Variants in CEP350 observed in about 807,000 individuals in gnomAD.
CEP350 encodes the protein centrosome-associated protein 350.
CEP350 carries 126 observed loss-of-function variants against 331.8 expected under a neutral mutation model. That is an observed-to-expected ratio of 0.38 (90% CI 0.33 to 0.44). The LOEUF (loss-of-function observed/expected upper bound fraction) is 0.44. Among genes scored for constraint, CEP350 ranks in the 20% least tolerant of loss-of-function variants. CEP350 has a pLI of 1.00. For synonymous variants in CEP350, 1,200 were observed against 1,259.5 expected, an observed-to-expected ratio of 0.95 and a Z score of 1.00; for missense variants, 3,406 against 3,634.6, an observed-to-expected ratio of 0.94 and a Z score of 1.62.
intron 1 of CEP350, among the ~76,000 whole-genome samples, chr1:179,964,987 C>CT (rs1650901023): frequency 1.3e-5 from 2 of 151,846 alleles, no homozygotes; most frequent in South Asian, 4.2e-4. Context: ...TTAAGTTCAA[C>CT]TTTAAGTTGT....
At chr1:179,977,740 T>C (rs1468018863) in intron 1 of CEP350, among the ~76,000 whole-genome samples, 2 of 152,150 alleles carry the variant, frequency 1.3e-5, no homozygotes, top group African/African-American at 4.8e-5. Flanking sequence ...GATTAAAAAA[T>C]CTTTCTTCAG....
chr1:180,058,596 C>A (rs2148993429), intron 25 of CEP350, among the ~76,000 whole-genome samples: 1 of 152,254 alleles, frequency 6.6e-6, no homozygotes, highest in Middle Eastern at 3.4e-3. Context: ...AGTTTGGTTT[C>A]ATCTGTATTT....
Position 180,043,118 on chromosome 1 carries a change from A to G in CEP350, c.4425A>G (p.Ala1475=), listed in dbSNP as rs765025082. 5.0e-6 allele frequency: 8 copies of G among 1,613,762 alleles called. No individual in the cohort carries two copies. The highest frequency in any genetic ancestry group is 1.3e-5 in the African/African-American group (1 of 74,910). The change falls in exon 20 of 38, where the codon GCA becomes GCG. Residue 1475 remains alanine, a synonymous_variant. Transcript: ENST00000367607. ...DAVVASGAPL[A]ILYDHQRQHL... ...TCGTGGCTTCAGGAGCTCCCCTTGC[A>G]ATACTGTATGACCACCAACGGCAGC...
intron 1 of CEP350, 96 bp from the exon 2 acceptor site, chr1:179,986,073 T>C: frequency 1.1e-6 from 1 of 925,780 alleles, no homozygotes; most frequent in Non-Finnish European, 1.7e-6. Flanking sequence ...TCCTAATGGG[T>C]GTGAAGTAGT....
Position 180,019,998 on chromosome 1 carries a change from C to A in CEP350, c.2224C>A (p.Gln742Lys). Residue 742 changes from glutamine (Q) to lysine (K), a missense_variant, in exon 12 of 38, where the codon CAA (glutamine) becomes AAA (lysine). Coordinates refer to ENST00000367607, the MANE Select transcript of CEP350 (RefSeq NM_014810.5). ...GATGCAGCCTGAAAGATTGAGCCCA[C>A]AAGTTCACCATTCTCAACCACAGCC... ...TWMQPERLSP[Q>K]VHHSQPQPFA... 6.2e-7 allele frequency: 1 copy of A among 1,613,186 alleles called. No homozygotes were observed. Among genetic ancestry groups the A allele is most frequent in the African/African-American group, 1.3e-5 (1 of 75,036 alleles).
rs774227294 is a variant in CEP350 at position 180,048,619 on chromosome 1, TAG to T, written c.4711_4712del (p.Ser1571PhefsTer3). ...GAGAAGAAACTTAATGGTGAAAAGATAGAGAGTTCCATTGATGAACAGGTTCA... is the reference window on the plus strand; with the variant it reads ...GAGAAGAAACTTAATGGTGAAAAGATAGAGTTCCATTGATGAACAGGTTCA... On this transcript the variant is annotated frameshift_variant, in exon 22 of 38. Coordinates refer to ENST00000367607, the MANE Select transcript of CEP350 (RefSeq NM_014810.5). LOFTEE classifies it high-confidence loss of function. 1.2e-6 allele frequency: 2 copies of T among 1,610,242 alleles called. No homozygotes were observed. The highest frequency in any genetic ancestry group is 8.5e-7 in the Non-Finnish European group (1 of 1,176,646).
chr1:180,020,547 A>T lies in CEP350; in HGVS notation c.2773A>T (p.Met925Leu), dbSNP rs192049185. Residue 925 changes from methionine (M) to leucine (L), a missense_variant, in exon 12 of 38, where the codon ATG becomes TTG. Coordinates refer to ENST00000367607, the MANE Select transcript of CEP350 (RefSeq NM_014810.5). ...NLSEFKKLPE[M>L]IRPQSAISSF... ...TAGTGAATTTAAAAAGCTTCCTGAG[A>T]TGATAAGACCACAGAGTGCCATATC... The T allele has an allele frequency of 6.3e-5, 101 of 1,613,990 alleles. No homozygotes were observed. The Admixed American group carries it at 1.7e-3, about 27-fold the overall frequency.
At chr1:180,069,803 T>C (rs1172487236) in intron 27 of CEP350, among the ~76,000 whole-genome samples, 1 of 152,186 alleles carries the variant, frequency 6.6e-6, no homozygotes, top group East Asian at 1.9e-4. Context: ...CTATGTTCCA[T>C]TTTTAATTAT....
At chr1:180,033,741 A>G in intron 15 of CEP350, 121 bp from the exon 16 acceptor site, 2 of 990,328 alleles carry the variant, frequency 2.0e-6, no homozygotes, top group South Asian at 3.5e-5. Flanking sequence ...ATAAATGCCT[A>G]AATCACAACT....
chr1:180,059,263 T>C (rs1658053415), intron 25 of CEP350, among the ~76,000 whole-genome samples: 1 of 152,212 alleles, frequency 6.6e-6, no homozygotes, highest in African/African-American at 2.4e-5. Context: ...CAAAACTATT[T>C]TCTTAATGAT....
intron 25 of CEP350, among the ~76,000 whole-genome samples, chr1:180,055,321 G>A (rs867599959): frequency 2.0e-5 from 3 of 152,078 alleles, no homozygotes; most frequent in Non-Finnish European, 1.5e-5. Context: ...TGGTTGTGAG[G>A]ATTAAATGAG....
chr1:179,987,246 T>A lies in CEP350; in HGVS notation c.80T>A (p.Ile27Lys). ...SQSKDTVQAD[I>K]TTSWDALSQT... ...ATATCATTTTTTTTCCCAGCAGATATAACCACATCGTGGGATGCACTTTCT... is the reference window on the plus strand; with the variant it reads ...ATATCATTTTTTTTCCCAGCAGATAAAACCACATCGTGGGATGCACTTTCT... The change falls in exon 3 of 38, where the codon ATA (isoleucine) becomes AAA (lysine). Residue 27 changes from isoleucine to lysine, a missense_variant. Physicochemically the swap from Ile to Lys is moderately radical, Grantham distance 102. Coordinates refer to ENST00000367607, the MANE Select transcript of CEP350 (RefSeq NM_014810.5). The A allele has an allele frequency of 6.5e-7, 1 of 1,541,244 alleles. No homozygotes were observed. Among genetic ancestry groups the A allele is most frequent in the East Asian group, 2.3e-5 (1 of 43,892 alleles).
In CEP350 at chr1:180,044,802, A is replaced by G. The variant is rs535115821; in HGVS notation, c.4622+629A>G. ...TGTAACAAACCTGCACATTGTGCAC[A>G]TGTACCCTAAAACTTAAAGTATAAT... is the stretch of plus-strand genomic sequence containing the variant. On this transcript the variant is annotated intron_variant, in intron 21 of 37. Coordinates refer to ENST00000367607, the MANE Select transcript of CEP350 (RefSeq NM_014810.5). Among the ~76,000 whole-genome samples the G allele has an allele frequency of 1.4e-4, 22 of 151,796 alleles. No homozygotes were observed. In the East Asian group the frequency reaches 3.9e-3, roughly 27 times the overall value.
intron 27 of CEP350, among the ~76,000 whole-genome samples, chr1:180,072,582 A>G (rs1472985530): frequency 2.0e-5 from 3 of 152,220 alleles, no homozygotes; most frequent in Non-Finnish European, 2.9e-5. Flanking sequence ...AAATTTAGCA[A>G]AACTGTTTTT....
At chr1:180,083,990 T>G (rs1470445496) in intron 30 of CEP350, 28 bp from the exon 31 acceptor site, 1 of 1,283,022 alleles carries the variant, frequency 7.8e-7, no homozygotes, top group African/African-American at 1.5e-5. Context: ...GTCAAAATTA[T>G]AAATAAAAGA....
intron 37 of CEP350, among the ~76,000 whole-genome samples, chr1:180,100,088 T>A (rs1660715495): frequency 6.6e-6 from 1 of 152,200 alleles, no homozygotes; most frequent in Non-Finnish European, 1.5e-5. Flanking sequence ...GCCCAGTGTC[T>A]TATGCCTTAT....
intron 17 of CEP350, among the ~76,000 whole-genome samples, chr1:180,037,735 C>T (rs1017217065): frequency 3.3e-5 from 5 of 152,076 alleles, no homozygotes; most frequent in East Asian, 1.9e-4. Context: ...CTGCAAGCTC[C>T]GCTTCCCAGG....
chr1:180,040,643 A>T (rs1472641623), intron 17 of CEP350, among the ~76,000 whole-genome samples: 10 of 146,998 alleles, frequency 6.8e-5, no homozygotes, highest in South Asian at 2.2e-4. Context: ...GAGATGAAAA[A>T]AAAAATATAT....
intron 1 of CEP350, among the ~76,000 whole-genome samples, chr1:179,962,004 C>T (rs571938348): frequency 4.3e-4 from 65 of 152,090 alleles, no homozygotes; most frequent in African/African-American, 1.5e-3. Context: ...AGCCACCATG[C>T]CCGGCTAATT....
Sources: gnomAD v4.1 joint callset for allele counts (sites outside exome capture counted in the v4.1 genomes callset) on GRCh38, gnomAD v4.1.1 for gene constraint, MANE v1.5 for transcripts, NCBI Gene and HGNC (gene_info 2026-07-23, HGNC 2026-07-21) for gene names.